KAT7: variants seen among roughly 807,000 people sequenced by gnomAD.
The protein encoded by KAT7 is histone acetyltransferase KAT7.
In KAT7, 10 loss-of-function variants were observed where a neutral mutation model predicts 82.1. The observed-to-expected ratio is 0.12, with a 90% CI of 0.08 to 0.21. KAT7 has a LOEUF of 0.21. Among genes scored for constraint, KAT7 ranks in the 10% least tolerant of loss-of-function variants. The probability of loss-of-function intolerance (pLI) is 1.00; values close to 1 mark genes in which losing one functional copy is unlikely to be tolerated. For synonymous variants in KAT7, 250 were observed against 262.5 expected (o/e 0.95, Z 0.46); for missense variants, 378 against 760.9 (o/e 0.50, Z 5.92).
At chr17:49,815,465 G>T (rs778933512) in intron 7 of KAT7, 15 of 172,874 alleles carry the variant, frequency 8.7e-5, no homozygotes, top group Non-Finnish European at 1.7e-4. Context: ...GTGTCTCTGG[G>T]TTTGTTGTAC....
intron 2 of KAT7, chr17:49,795,709 A>G (rs2143854288): frequency 4.3e-6 from 1 of 230,390 alleles, no homozygotes; most frequent in East Asian, 1.1e-4. Flanking sequence ...CCAATTAACC[A>G]CTGAATTGTT....
chr17:49,818,196 C>T (rs2074257313), intron 9 of KAT7, among the ~76,000 whole-genome samples, 185 bp downstream of exon 9: 1 of 152,178 alleles, frequency 6.6e-6, no homozygotes, highest in Admixed American at 6.5e-5. Context: ...ATGGCTTGTG[C>T]TGGGTGCCAC....
intron 4 of KAT7, among the ~76,000 whole-genome samples, chr17:49,801,479 C>T (rs1228897216): frequency 6.6e-6 from 1 of 152,040 alleles, no homozygotes; most frequent in African/African-American, 2.4e-5. Flanking sequence ...AAAATATGAA[C>T]CCGAGCTTCC....
chr17:49,834,013 A>G lies in KAT7; in HGVS notation c.*6511A>G, dbSNP rs1045617167. The G allele has an allele frequency of 8.5e-5, 13 of 152,170 alleles. No individual in the cohort carries two copies. Among genetic ancestry groups the G allele is most frequent in the African/African-American group, 3.1e-4 (13 of 41,424 alleles). The allele number at this position is 152,170 out of a possible 1,614,324, so 9.4% of individuals were successfully genotyped here. ...GTAAATGGCAGCCTCAGTTCACCTC[A>G]TTTGGTTATTTATCGTGTCTTCGCT... On this transcript the variant is annotated 3_prime_UTR_variant, in exon 15 of 15. Coordinates refer to ENST00000259021, the MANE Select transcript of KAT7 (RefSeq NM_007067.5).
At chr17:49,801,664 A>G (rs2074026303) in intron 4 of KAT7, among the ~76,000 whole-genome samples, 1 of 151,574 alleles carries the variant, frequency 6.6e-6, no homozygotes, top group Admixed American at 6.6e-5. Flanking sequence ...TAATATTTGT[A>G]TTTATTGTAG....
intron 6 of KAT7, among the ~76,000 whole-genome samples, chr17:49,810,745 A>G (rs553001020): frequency 6.6e-6 from 1 of 152,314 alleles, no homozygotes; most frequent in East Asian, 1.9e-4. Context: ...TTATGTTAGT[A>G]GTAAAATAAG....
intron 12 of KAT7, 37 bp from the exon 13 acceptor site, chr17:49,825,963 G>A (rs2074364461): frequency 1.3e-5 from 20 of 1,588,964 alleles, no homozygotes; most frequent in East Asian, 2.3e-5. Context: ...ATAAGATCGA[G>A]TGTTGCTAGA....
At chr17:49,803,751 C>T (rs1005836038) in intron 4 of KAT7, among the ~76,000 whole-genome samples, 2 of 152,074 alleles carry the variant, frequency 1.3e-5, no homozygotes, top group Non-Finnish European at 2.9e-5. Flanking sequence ...TAATACAGTC[C>T]CGGAGAAATG....
Position 49,811,477 on chromosome 17 carries a change from C to A in KAT7, c.755C>A (p.Ala252Glu). The A allele has an allele frequency of 6.8e-7, 1 of 1,466,076 alleles. No individual in the cohort carries two copies. The allele number at this position is 1,466,076 out of a possible 1,614,324, so 90.8% of individuals were successfully genotyped here. ...DNNRHATRHQAPTERQLRYKE... is the reference protein window; with the variant it reads ...DNNRHATRHQEPTERQLRYKE... ...CAGTTTTCTCCTTTTTCCTTTTAGG[C>A]ACCAACGGAGAGACAGCTTCGATAT... Residue 252 changes from alanine (A) to glutamate (E), a missense_variant and splice_region_variant, in exon 7 of 15, where the codon GCA (alanine) becomes GAA (glutamate). Physicochemically the swap from Ala to Glu is moderately radical, Grantham distance 107. Coordinates refer to ENST00000259021, the MANE Select transcript of KAT7 (RefSeq NM_007067.5).
intron 5 of KAT7, among the ~76,000 whole-genome samples, chr17:49,808,177 A>G (rs529260627): frequency 1.5e-5 from 2 of 130,888 alleles, no homozygotes; most frequent in Admixed American, 1.9e-4. Context: ...GCTGGAGTGC[A>G]TTGGTGCAAT....
Position 49,795,422 on chromosome 17 carries a change from A to G in KAT7, c.164-1328A>G, listed in dbSNP as rs558945937. On this transcript the variant is annotated intron_variant, in intron 2 of 14. Transcript: ENST00000259021. The stretch of plus-strand genomic sequence containing the variant: ...AAGTGCTGGACATCGGGCAGCATCT[A>G]TATCACCTTGAAGAAGTATGGTGGT... 3.8e-4 allele frequency: 96 copies of G among 254,240 alleles called. No individual in the cohort carries two copies. The South Asian group carries it at 3.8e-3, about 10-fold the overall frequency. 15.7% of individuals were successfully genotyped at this position (254,240 alleles called of 1,614,324 possible). A position where few individuals can be genotyped will look rare whatever the true frequency, so the allele number is the denominator to read the frequency against.
chr17:49,791,486 C>T (rs189475241), intron 1 of KAT7, among the ~76,000 whole-genome samples: 315 of 152,156 alleles, frequency 2.1e-3, no homozygotes, highest in African/African-American at 6.8e-3. Flanking sequence ...AGTGAAACCC[C>T]GTCTCTACTA....
At position 49,826,112 on chromosome 17, in the gene KAT7, G is replaced by C; in HGVS notation, c.1593G>C (p.Leu531=). ...GGAAAGAAGTACTTCTCCGCTACCTGCATAATTTTCAAGGCAAAGAGATTT... is the reference window on the plus strand; with the variant it reads ...GGAAAGAAGTACTTCTCCGCTACCTCCATAATTTTCAAGGCAAAGAGATTT... The part of the protein sequence containing the change: ...SYWKEVLLRY[L]HNFQGKEISI... The change falls in exon 13 of 15, where the codon CTG becomes CTC. Residue 531 remains leucine, a synonymous_variant. Coordinates refer to ENST00000259021, the MANE Select transcript of KAT7 (RefSeq NM_007067.5). 6.2e-7 allele frequency: 1 copy of C among 1,613,814 alleles called. No homozygotes were observed.
intron 9 of KAT7, 110 bp from the exon 10 acceptor site, chr17:49,821,227 C>A: frequency 1.4e-6 from 1 of 713,100 alleles, no homozygotes; most frequent in Non-Finnish European, 2.4e-6. Context: ...GCTTGTCCAA[C>A]TGTCCGGTAG....
intron 9 of KAT7, among the ~76,000 whole-genome samples, chr17:49,818,655 C>G (rs2074263524): frequency 6.6e-6 from 1 of 151,648 alleles, no homozygotes; most frequent in Non-Finnish European, 1.5e-5. Flanking sequence ...TAAGCTTTGT[C>G]TTAAGGGGAA....
intron 7 of KAT7, among the ~76,000 whole-genome samples, chr17:49,812,734 G>C (rs1348748254): frequency 6.6e-6 from 1 of 151,876 alleles, no homozygotes; most frequent in Non-Finnish European, 1.5e-5. Flanking sequence ...CTGTCACCAA[G>C]GCTGAAGGCT....
At position 49,831,089 on chromosome 17, in the gene KAT7, C is replaced by T. The variant is rs567586079; in HGVS notation, c.*3587C>T. ...TTGAGTCCAGGAATTCGAGACTAGC[C>T]TGGGCAGCATGGTGAAACCCCAGCT... is the stretch of plus-strand genomic sequence containing the variant. On this transcript the variant is annotated 3_prime_UTR_variant, in exon 15 of 15. Transcript: ENST00000259021. 2.6e-5 allele frequency: 4 copies of T among 152,260 alleles called. No homozygotes were observed. The highest frequency in any genetic ancestry group is 5.9e-5 in the Non-Finnish European group (4 of 68,124). The allele number at this position is 152,260 out of a possible 1,614,324, so 9.4% of individuals were successfully genotyped here.
At chr17:49,790,028 C>T (rs2073865109) in intron 1 of KAT7, 1 of 152,162 alleles carries the variant, frequency 6.6e-6, no homozygotes, top group Non-Finnish European at 1.5e-5. Context: ...TTCTGTGATT[C>T]TTGCTCATTT....
chr17:49,823,402 C>T, intron 12 of KAT7, 107 bp downstream of exon 12: 3 of 685,864 alleles, frequency 4.4e-6, no homozygotes, highest in East Asian at 2.5e-5. Context: ...AGTGAAGGTA[C>T]ATGGATATTT....
Sources: allele counts gnomAD v4.1 joint callset (sites outside exome capture counted in the v4.1 genomes callset), GRCh38; gene constraint gnomAD v4.1.1; transcripts MANE v1.5; gene names NCBI Gene and HGNC (gene_info 2026-07-23, HGNC 2026-07-21).